TYW1: variants seen among roughly 807,000 people sequenced by gnomAD.
TYW1 encodes the protein tRNA-yW synthesizing protein 1 homolog.
In TYW1, 46 loss-of-function variants were observed where a neutral mutation model predicts 96.2. That is an observed-to-expected ratio of 0.48 (90% CI 0.38 to 0.61). The LOEUF is 0.61. Ranked by LOEUF, TYW1 falls within the 20% of genes least tolerant of loss-of-function variation. The pLI, the probability that TYW1 is intolerant of heterozygous loss-of-function variation, is 0.00. For synonymous variants in TYW1, 274 were observed against 323.0 expected, an observed-to-expected ratio of 0.85 and a Z score of 1.63; for missense variants, 684 against 909.6, an observed-to-expected ratio of 0.75 and a Z score of 3.19.
rs1228166979 is a variant in TYW1, at chr7:66,996,906, G to A, written c.-73G>A. The A allele has an allele frequency of 1.2e-6, 2 of 1,610,228 alleles. No individual in the cohort carries two copies. The highest frequency in any genetic ancestry group is 1.3e-5 in the African/African-American group (1 of 74,902). ...CTAACGCGGCGAGGTAGCTCGGTGCGTCTCGCGGTACCAGTGCGAATCATC... is the reference window on the plus strand; with the variant it reads ...CTAACGCGGCGAGGTAGCTCGGTGCATCTCGCGGTACCAGTGCGAATCATC... On this transcript the variant is annotated 5_prime_UTR_variant, in exon 1 of 16. Coordinates refer to ENST00000359626, the MANE Select transcript of TYW1 (RefSeq NM_018264.4).
chr7:67,108,927 A>C (rs1388275482), intron 12 of TYW1, among the ~76,000 whole-genome samples: 1 of 152,220 alleles, frequency 6.6e-6, no homozygotes, highest in African/African-American at 2.4e-5. Context: ...AATTTAAGCA[A>C]CACACTTCTT....
intron 11 of TYW1, among the ~76,000 whole-genome samples, chr7:67,094,351 C>T (rs1796820143): frequency 6.6e-6 from 1 of 151,748 alleles, no homozygotes; most frequent in Non-Finnish European, 1.5e-5. Context: ...GATTTCTTTT[C>T]CTTTGGTTAG....
At chr7:66,997,035 T>C (rs991623926) in intron 1 of TYW1, 53 bp downstream of exon 1, 15 of 1,611,674 alleles carry the variant, frequency 9.3e-6, no homozygotes, top group African/African-American at 2.7e-5. Context: ...GGTAAACGTT[T>C]TACTGAGACC....
At chr7:67,226,765 A>G (rs1801571469) in intron 15 of TYW1, among the ~76,000 whole-genome samples, 1 of 152,022 alleles carries the variant, frequency 6.6e-6, no homozygotes, top group Non-Finnish European at 1.5e-5. Context: ...TTTCAGTAAT[A>G]CTCTTTTTTG....
intron 8 of TYW1, among the ~76,000 whole-genome samples, chr7:67,055,305 A>G (rs1458736263): frequency 2.6e-5 from 4 of 152,250 alleles, no homozygotes; most frequent in African/African-American, 9.6e-5. Context: ...GGATTAATTT[A>G]TTGTTTCATG....
intron 7 of TYW1, among the ~76,000 whole-genome samples, chr7:67,040,317 C>T (rs1253918755): frequency 6.6e-6 from 1 of 152,010 alleles, no homozygotes; most frequent in Non-Finnish European, 1.5e-5. Context: ...TTCAAGTTTT[C>T]TGCTCTTATA....
intron 7 of TYW1, among the ~76,000 whole-genome samples, chr7:67,029,704 T>C (rs1469828941): frequency 6.6e-6 from 1 of 151,970 alleles, no homozygotes; most frequent in Non-Finnish European, 1.5e-5. Context: ...TTGTTTTTTG[T>C]TTTTTGATGT....
chr7:67,107,378 AT>A (rs1797275631), intron 12 of TYW1, among the ~76,000 whole-genome samples: 1 of 152,024 alleles, frequency 6.6e-6, no homozygotes, highest in African/African-American at 2.4e-5. Flanking sequence ...TTAAAATCTA[AT>A]TTTCTCTCCT....
intron 7 of TYW1, among the ~76,000 whole-genome samples, chr7:67,025,879 A>G (rs1418963666): frequency 6.6e-6 from 1 of 152,098 alleles, no homozygotes; most frequent in East Asian, 1.9e-4. Flanking sequence ...AAAAAAAGCT[A>G]CTAGAAAATC....
intron 10 of TYW1, among the ~76,000 whole-genome samples, chr7:67,080,948 T>C (rs1796370361): frequency 7.9e-6 from 1 of 126,666 alleles, no homozygotes; most frequent in Admixed American, 8.0e-5. Context: ...CTGTTTTTTT[T>C]TTTTTTTTTT....
chr7:67,120,616 G>A (rs953406232), intron 13 of TYW1, among the ~76,000 whole-genome samples: 1 of 152,232 alleles, frequency 6.6e-6, no homozygotes, highest in African/African-American at 2.4e-5. Flanking sequence ...AAATTAGAAT[G>A]GATTTAAATG....
intron 13 of TYW1, among the ~76,000 whole-genome samples, chr7:67,169,435 C>G (rs1320433743): frequency 6.6e-6 from 1 of 152,152 alleles, no homozygotes; most frequent in South Asian, 2.1e-4. Flanking sequence ...GAGTCTCGCT[C>G]TGTTCCCCAG....
chr7:67,225,395 C>G (rs756728768), intron 15 of TYW1, among the ~76,000 whole-genome samples: 10 of 152,074 alleles, frequency 6.6e-5, no homozygotes, highest in Admixed American at 6.6e-4. Context: ...TCCTTGATCT[C>G]CATGATCATT....
intron 13 of TYW1, among the ~76,000 whole-genome samples, chr7:67,129,987 A>G (rs974343362): frequency 5.9e-5 from 9 of 151,944 alleles, no homozygotes; most frequent in African/African-American, 2.2e-4. Flanking sequence ...ATTACTACGT[A>G]TTGAAACTTG....
At chr7:67,006,947 G>GTTTTTTTTTT (rs1562961994) in intron 3 of TYW1, among the ~76,000 whole-genome samples, 1 of 69,072 alleles carries the variant, frequency 1.4e-5, no homozygotes, top group Non-Finnish European at 2.8e-5. Context: ...GAGATGTGAG[G>GTTTTTTTTTT]CTTTTTTTTT....
chr7:67,112,100 CAAAAA>C (rs538839042), intron 12 of TYW1, among the ~76,000 whole-genome samples: 13 of 94,890 alleles, frequency 1.4e-4, no homozygotes, highest in East Asian at 9.7e-4. Flanking sequence ...CTCTGTCTGA[CAAAAA>C]AAAAAAAAAA....
intron 13 of TYW1, among the ~76,000 whole-genome samples, chr7:67,131,932 C>T (rs1798086698): frequency 2.0e-5 from 3 of 152,282 alleles, no homozygotes; most frequent in South Asian, 2.1e-4. Flanking sequence ...AGTTTTTCCA[C>T]GTTCTTCTGC....
At position 67,017,981 on chromosome 7, in the gene TYW1, G is replaced by C. The variant is rs1794085339; in HGVS notation, c.699G>C (p.Lys233Asn). 2 of 1,614,024 alleles carry C rather than the reference G, an allele frequency of 1.2e-6. No individual in the cohort carries two copies. The highest frequency in any genetic ancestry group is 2.7e-5 in the African/African-American group (2 of 74,914). The change falls in exon 6 of 16, where the codon AAG (lysine) becomes AAC (asparagine). Residue 233 changes from lysine (K) to asparagine (N), a missense_variant. Transcript: ENST00000359626. The stretch of plus-strand genomic sequence containing the variant: ...TTGAGGCCGACTTCAGAGCATGGAA[G>C]ACCAAGTTCATCTCCCAGCTGCAGG... ...GSIEADFRAW[K>N]TKFISQLQAL...
At chr7:67,196,355 T>C (rs1370193623) in intron 15 of TYW1, among the ~76,000 whole-genome samples, 2 of 152,206 alleles carry the variant, frequency 1.3e-5, no homozygotes, top group Non-Finnish European at 2.9e-5. Flanking sequence ...ATGGTTTGTA[T>C]CTGATAATTC....
Sources: allele counts gnomAD v4.1 joint callset (sites outside exome capture counted in the v4.1 genomes callset), GRCh38; gene constraint gnomAD v4.1.1; transcripts MANE v1.5; gene names NCBI Gene and HGNC (gene_info 2026-07-23, HGNC 2026-07-21).